Variants in GDI2 observed in about 807,000 individuals in gnomAD.
GDI2 encodes the protein rab GDP dissociation inhibitor beta.
A neutral mutation model predicts 54.2 loss-of-function variants in GDI2; 22 were observed. That is an observed-to-expected ratio of 0.41 (90% confidence interval 0.29 to 0.58). The LOEUF is 0.58. Ranked by LOEUF, GDI2 falls within the 20% of genes least tolerant of loss-of-function variation. GDI2 has a pLI of 0.35. For missense variants in GDI2, 422 were observed against 546.0 expected (o/e 0.77, Z 2.26); for synonymous variants, 177 against 182.1 (o/e 0.97, Z 0.23).
chr10:5,803,809 T>C (rs775242308), intron 1 of GDI2, among the ~76,000 whole-genome samples: 1 of 152,102 alleles, frequency 6.6e-6, no homozygotes, highest in Non-Finnish European at 1.5e-5. Flanking sequence ...ATATAATCAC[T>C]CAAAAAGGGT....
At chr10:5,770,189 A>T (rs778609696) in intron 7 of GDI2, among the ~76,000 whole-genome samples, 1 of 152,216 alleles carries the variant, frequency 6.6e-6, no homozygotes, top group African/African-American at 2.4e-5. Context: ...ATAGAGAAAG[A>T]AAGTAGAATG....
In GDI2 at chr10:5,766,032, T is replaced by C. The variant is rs776809362; in HGVS notation, c.1312A>G (p.Lys438Glu). The C allele has an allele frequency of 5.0e-6, 8 of 1,588,586 alleles. 1 individual carries two copies. In the South Asian group the frequency reaches 5.8e-5, roughly 12 times the overall value. ...EFDFEEMKRK[K>E]NDIYGED ...TAGTCTTCCCCATAGATGTCATTCT[T>C]CTTGCGCTTCATTTCCTCAAAGTCA... Residue 438 changes from lysine (K) to glutamate (E), a missense_variant, in exon 11 of 11, where the codon AAG (lysine) becomes GAG (glutamate). Lys to Glu is a moderately conservative substitution (Grantham distance 56). Coordinates refer to ENST00000380191, the MANE Select transcript of GDI2 (RefSeq NM_001494.4). This position sits in a 1 kb window ranked among gnomAD's most constrained non-coding sequence, Gnocchi z 5.8.
chr10:5,799,268 TCAAGGCTACAG>T (rs201853541), intron 2 of GDI2, among the ~76,000 whole-genome samples: 1,991 of 152,260 alleles, frequency 0.013, 51 homozygotes, highest in African/African-American at 0.044. Flanking sequence ...GCCCAGGAGT[TCAAGGCTACAG>T]CAAGCTACGA....
chr10:5,786,721 C>A (rs1840889605), intron 4 of GDI2, among the ~76,000 whole-genome samples: 2 of 152,190 alleles, frequency 1.3e-5, no homozygotes, highest in Non-Finnish European at 1.5e-5. Context: ...CAACTCTGAT[C>A]TACACTCAGC....
Position 5,776,506 on chromosome 10 carries a change from A to G in GDI2, c.720-2565T>C. ...CCATGTATTAGAAGCAAAGGCCCGA[A>G]AGATAAAACAATTATAGAGAAGCAG... is the stretch of plus-strand genomic sequence containing the variant. On this transcript the variant is annotated intron_variant, in intron 6 of 10. Coordinates refer to ENST00000380191, the MANE Select transcript of GDI2 (RefSeq NM_001494.4). This position sits in a 1 kb window ranked among gnomAD's most constrained non-coding sequence, Gnocchi z 5.3. 1 of 1,353,040 alleles carries G rather than the reference A, an allele frequency of 7.4e-7. No homozygotes were observed. 83.8% of individuals were successfully genotyped at this position (1,353,040 alleles called of 1,614,324 possible).
intron 1 of GDI2, among the ~76,000 whole-genome samples, chr10:5,808,299 T>A (rs1841417001): frequency 6.6e-6 from 1 of 152,198 alleles, no homozygotes. Context: ...CACTCCAGCC[T>A]GGGTAAGAGA....
chr10:5,766,682 C>T lies in GDI2; in HGVS notation c.992-44G>A. ...AGCTCACTGCCTCAAGTGTCTCCATCTGGGACCCAACATACTCAGGTATCA... is the reference window on the plus strand; with the variant it reads ...AGCTCACTGCCTCAAGTGTCTCCATTTGGGACCCAACATACTCAGGTATCA... On this transcript the variant is annotated intron_variant, in intron 8 of 10. Coordinates refer to ENST00000380191, the MANE Select transcript of GDI2 (RefSeq NM_001494.4). The surrounding 1 kb of genome is among the most constrained non-coding windows in gnomAD (Gnocchi z 5.8). The T allele has an allele frequency of 6.4e-7, 1 of 1,554,814 alleles. No homozygotes were observed. The highest frequency in any genetic ancestry group is 8.9e-7 in the Non-Finnish European group (1 of 1,126,786).
intron 4 of GDI2, among the ~76,000 whole-genome samples, chr10:5,791,291 T>A (rs1427006433): frequency 6.6e-6 from 1 of 151,796 alleles, no homozygotes; most frequent in Non-Finnish European, 1.5e-5. Context: ...AGACCCTGTT[T>A]CAAAAAAATA....
intron 1 of GDI2, among the ~76,000 whole-genome samples, chr10:5,808,851 C>A (rs192638762): frequency 6.6e-6 from 1 of 151,940 alleles, no homozygotes; most frequent in Admixed American, 6.6e-5. Flanking sequence ...AATTTTAAAT[C>A]AGTTCATTTC....
At chr10:5,799,169 C>T (rs1465063386) in intron 2 of GDI2, among the ~76,000 whole-genome samples, 2 of 151,800 alleles carry the variant, frequency 1.3e-5, no homozygotes, top group Non-Finnish European at 2.9e-5. Flanking sequence ...CAGAGAGACC[C>T]CATCTCTACA....
At chr10:5,797,347 A>G (rs1841167964) in intron 2 of GDI2, among the ~76,000 whole-genome samples, 1 of 151,984 alleles carries the variant, frequency 6.6e-6, no homozygotes, top group Admixed American at 6.6e-5. Flanking sequence ...GAGTACAAGA[A>G]AAGCCAGGCC....
At chr10:5,781,850 C>G (rs1325223772) in intron 6 of GDI2, among the ~76,000 whole-genome samples, 1 of 150,506 alleles carries the variant, frequency 6.6e-6, no homozygotes. Flanking sequence ...CCCCGTCTAC[C>G]CAAAATACAA....
At chr10:5,799,452 G>C (rs1841219006) in intron 2 of GDI2, among the ~76,000 whole-genome samples, 3 of 152,078 alleles carry the variant, frequency 2.0e-5, no homozygotes, top group South Asian at 2.1e-4. Flanking sequence ...AGGGGTTCCA[G>C]ACCAGCCTGG....
intron 6 of GDI2, among the ~76,000 whole-genome samples, chr10:5,777,400 G>A (rs531368141): frequency 1.3e-4 from 20 of 152,310 alleles, no homozygotes; most frequent in African/African-American, 4.8e-4. Flanking sequence ...TTGAACCCAG[G>A]AGGCGGAGGC....
chr10:5,801,026 T>C (rs1390449995), intron 1 of GDI2, among the ~76,000 whole-genome samples: 2 of 152,048 alleles, frequency 1.3e-5, no homozygotes, highest in African/African-American at 4.8e-5. Flanking sequence ...TCTCAGCTCA[T>C]TGCAACCTCT....
chr10:5,792,098 G>A (rs1257325723), intron 4 of GDI2, among the ~76,000 whole-genome samples: 2 of 152,130 alleles, frequency 1.3e-5, no homozygotes, highest in African/African-American at 2.4e-5. Flanking sequence ...GAATTAGAAG[G>A]TATGTAATCA....
At chr10:5,803,554 A>G (rs956065837) in intron 1 of GDI2, among the ~76,000 whole-genome samples, 10 of 152,220 alleles carry the variant, frequency 6.6e-5, no homozygotes, top group African/African-American at 2.4e-4. Context: ...TACAACCTTT[A>G]TAAACAAAAG....
intron 6 of GDI2, among the ~76,000 whole-genome samples, chr10:5,784,233 A>T (rs1482518292): frequency 6.6e-6 from 1 of 152,198 alleles, no homozygotes; most frequent in Non-Finnish European, 1.5e-5. Flanking sequence ...GAGACTTTCC[A>T]GTGCATTTTG....
intron 2 of GDI2, among the ~76,000 whole-genome samples, chr10:5,797,543 C>CA (rs772570487): frequency 0.058 from 2,624 of 45,248 alleles, 224 homozygotes; most frequent in African/African-American, 0.1. Context: ...GACTCCATCT[C>CA]AAAAAAAAAA....
Sources: allele counts gnomAD v4.1 joint callset (sites outside exome capture counted in the v4.1 genomes callset), GRCh38; gene constraint gnomAD v4.1.1; non-coding constraint Gnocchi (gnomAD v3.1); transcripts MANE v1.5; gene names NCBI Gene and HGNC (gene_info 2026-07-23, HGNC 2026-07-21).